RTTN: variants seen among roughly 807,000 people sequenced by gnomAD.
RTTN encodes the protein rotatin.
Under a neutral mutation model 269.2 loss-of-function variants are expected in RTTN, and 182 were observed. That is an observed-to-expected ratio of 0.68 (90% CI 0.60 to 0.76). RTTN has a LOEUF of 0.76. Ranked by LOEUF, RTTN falls within the 30% of genes least tolerant of loss-of-function variation. RTTN has a pLI of 0.00. For synonymous variants in RTTN, 1,006 were observed against 963.5 expected (o/e 1.04, Z -0.82); for missense variants, 2,545 against 2,608.6 (o/e 0.98, Z 0.53).
chr18:70,163,521 T>A lies in RTTN; in HGVS notation c.1929+2541A>T, dbSNP rs549477485. Among the ~76,000 whole-genome samples, 7 of 152,254 alleles carry A rather than the reference T, an allele frequency of 4.6e-5. No homozygotes were observed. The South Asian group carries it at 1.0e-3, about 23-fold the overall frequency. ...ATTCCTCAAAAATTAAACACAGAAT[T>A]ACTGTGTGATCTACCAATTCCACTT... On this transcript the variant is annotated intron_variant, in intron 14 of 48. Coordinates refer to ENST00000640769, the MANE Select transcript of RTTN (RefSeq NM_173630.4).
At chr18:70,156,448 C>T (rs1379934063) in intron 14 of RTTN, among the ~76,000 whole-genome samples, 1 of 152,132 alleles carries the variant, frequency 6.6e-6, no homozygotes, top group Non-Finnish European at 1.5e-5. Flanking sequence ...ACAATGGTGC[C>T]CAAAACTTCA....
intron 10 of RTTN, among the ~76,000 whole-genome samples, chr18:70,184,689 C>T (rs2061492800): frequency 7.5e-5 from 10 of 134,008 alleles, no homozygotes; most frequent in African/African-American, 8.4e-5. Context: ...CAATTCCATT[C>T]AAAACCACAG....
chr18:70,115,772 G>A (rs933297025), intron 26 of RTTN, among the ~76,000 whole-genome samples: 5 of 151,834 alleles, frequency 3.3e-5, no homozygotes, highest in Non-Finnish European at 7.4e-5. Flanking sequence ...TGTAACTATT[G>A]TTCTTATAAA....
intron 28 of RTTN, among the ~76,000 whole-genome samples, chr18:70,098,910 G>A (rs1271923766): frequency 1.3e-5 from 2 of 152,106 alleles, no homozygotes; most frequent in Admixed American, 6.6e-5. Flanking sequence ...ATCTGTCCTT[G>A]CGATAGTTTG....
At chr18:70,111,197 G>A (rs1372172714) in intron 27 of RTTN, among the ~76,000 whole-genome samples, 2 of 152,188 alleles carry the variant, frequency 1.3e-5, no homozygotes, top group Non-Finnish European at 2.9e-5. Flanking sequence ...CCAGCACACC[G>A]ATCAAGCTCT....
chr18:70,196,751 GA>G (rs942169894), intron 6 of RTTN, 103 bp from the exon 7 acceptor site: 62 of 1,150,110 alleles, frequency 5.4e-5, no homozygotes, highest in Non-Finnish European at 6.8e-5. Context: ...ATAATCAAGA[GA>G]AAATAAGTTG....
At chr18:70,168,284 C>A (rs1048741180) in intron 12 of RTTN, among the ~76,000 whole-genome samples, 1 of 152,054 alleles carries the variant, frequency 6.6e-6, no homozygotes, top group Non-Finnish European at 1.5e-5. Flanking sequence ...ACCCATTAAC[C>A]CTTTCATTGA....
chr18:70,184,713 TTTTTG>T (rs1456446825), intron 10 of RTTN, among the ~76,000 whole-genome samples: 41 of 65,930 alleles, frequency 6.2e-4, no homozygotes, highest in African/African-American at 3.2e-3. Flanking sequence ...GTTTTTTTTT[TTTTTG>T]TGTGTGTGTG....
intron 25 of RTTN, 93 bp from the exon 26 acceptor site, chr18:70,121,793 G>T (rs776052913): frequency 6.7e-6 from 8 of 1,187,968 alleles, no homozygotes; most frequent in Non-Finnish European, 9.1e-6. Flanking sequence ...CAGATGTCTT[G>T]TGAGGATGCT....
At chr18:70,065,981 G>T in intron 34 of RTTN, 59 bp from the exon 35 acceptor site, 1 of 1,187,660 alleles carries the variant, frequency 8.4e-7, no homozygotes, top group African/African-American at 1.5e-5. Flanking sequence ...TGAAACACAG[G>T]CAACATACAC....
At chr18:70,125,797 T>C (rs2059849640) in intron 25 of RTTN, among the ~76,000 whole-genome samples, 2 of 152,026 alleles carry the variant, frequency 1.3e-5, no homozygotes. Context: ...CTTTCTATCA[T>C]TAAACTGAAT....
At position 70,075,471 on chromosome 18, in the gene RTTN, T is replaced by TA. The variant is rs779516131; in HGVS notation, c.4444dup (p.Tyr1482LeufsTer7). 1.4e-5 allele frequency: 22 copies of TA among 1,608,542 alleles called. No individual in the cohort carries two copies. The highest frequency in any genetic ancestry group is 1.6e-5 in the Non-Finnish European group (19 of 1,177,620). On this transcript the variant is annotated frameshift_variant, in exon 33 of 49. Transcript: ENST00000640769. LOFTEE classifies it high-confidence loss of function. ...CAAATGTTCATAAAAATGGCAGTGA[T>TA]ATAAAAGAGCCTGAAGGGCAGGTTT...
chr18:70,101,351 AGTTT>A (rs1050983872), intron 28 of RTTN, among the ~76,000 whole-genome samples: 2 of 152,190 alleles, frequency 1.3e-5, no homozygotes, highest in Admixed American at 1.3e-4. Context: ...TAGATTTTCT[AGTTT>A]ATTTGCATAG....
At chr18:70,109,795 G>C (rs2059415878) in intron 27 of RTTN, 78 bp from the exon 28 acceptor site, 1 of 1,157,436 alleles carries the variant, frequency 8.6e-7, no homozygotes, top group Non-Finnish European at 1.3e-6. Context: ...GGCTATAAAA[G>C]GTTACTTAAA....
intron 44 of RTTN, among the ~76,000 whole-genome samples, chr18:70,021,410 A>C (rs952956767): frequency 6.6e-6 from 1 of 152,198 alleles, no homozygotes; most frequent in Non-Finnish European, 1.5e-5. Flanking sequence ...AAAAATTAGA[A>C]ATATATTTTA....
chr18:70,121,746 C>T (rs772626245), intron 25 of RTTN, 46 bp from the exon 26 acceptor site: 4 of 1,466,606 alleles, frequency 2.7e-6, no homozygotes, highest in Non-Finnish European at 3.6e-6. Context: ...CTTTAAAATA[C>T]ACAATACCAC....
intron 28 of RTTN, among the ~76,000 whole-genome samples, chr18:70,095,127 C>CT (rs138773918): frequency 0.83 from 120,727 of 145,650 alleles, 52,895 homozygotes; most frequent in East Asian, 1. Context: ...GCAACTCCTG[C>CT]TTTTTTTTTT....
rs2056105031 is a variant in RTTN, at chr18:70,004,064, C to T, written c.*87G>A. The T allele has an allele frequency of 8.4e-6, 8 of 946,928 alleles. No individual in the cohort carries two copies. The highest frequency in any genetic ancestry group is 1.6e-5 in the African/African-American group (1 of 61,606). 58.7% of individuals were successfully genotyped at this position (946,928 alleles called of 1,614,324 possible). A position where few individuals can be genotyped will look rare whatever the true frequency, so the allele number is the denominator to read the frequency against. ...ACTTTGTAGAGAGGTAGCACGTCTT[C>T]AGGTAACAGCTGCTACACACAGCTG... is the stretch of plus-strand genomic sequence containing the variant. On this transcript the variant is annotated 3_prime_UTR_variant, in exon 49 of 49. Coordinates refer to ENST00000640769, the MANE Select transcript of RTTN (RefSeq NM_173630.4).
At chr18:70,006,187 G>T in intron 47 of RTTN, 194 bp downstream of exon 47, 1 of 493,742 alleles carries the variant, frequency 2.0e-6, no homozygotes, top group South Asian at 3.9e-5. Context: ...ACATTCTGTT[G>T]AAATGATTAA....
Sources: allele counts gnomAD v4.1 joint callset (sites outside exome capture counted in the v4.1 genomes callset), GRCh38; gene constraint gnomAD v4.1.1; transcripts MANE v1.5; gene names NCBI Gene and HGNC (gene_info 2026-07-23, HGNC 2026-07-21).